Variants in SVEP1 observed in about 807,000 individuals in gnomAD.
The protein encoded by SVEP1 is sushi, von Willebrand factor type A, EGF and pentraxin domain-containing protein 1.
SVEP1 carries 164 observed loss-of-function variants against 367.3 expected under a neutral mutation model. The ratio of observed to expected loss-of-function variants is 0.45; its 90% confidence interval spans 0.39 to 0.51. The LOEUF (loss-of-function observed/expected upper bound fraction) is 0.51, where lower values mean the gene tolerates loss of function less well. Among genes scored for constraint, SVEP1 ranks in the 20% least tolerant of loss-of-function variants. The probability of loss-of-function intolerance (pLI) is 0.00; values close to 1 mark genes in which losing one functional copy is unlikely to be tolerated. For synonymous variants in SVEP1, 1,666 were observed against 1,611.6 expected (o/e 1.03, Z -0.81); for missense variants, 4,117 against 4,425.3 (o/e 0.93, Z 1.98).
chr9:110,408,238 T>C lies in SVEP1; in HGVS notation c.7362A>G (p.Gln2454=). The part of the protein sequence containing the change: ...EEIPNGIIDV[Q]GLAYLSTALY... ...GAGCTGTGCTGAGATAGGCAAGGCC[T>C]TGCACATCAATGATTCCATTGGGGA... is the stretch of plus-strand genomic sequence containing the variant. Residue 2454 remains glutamine (Q), a synonymous_variant, in exon 38 of 48, where the codon CAA becomes CAG. Transcript: ENST00000374469. 6.2e-7 allele frequency: 1 copy of C among 1,614,018 alleles called. No homozygotes were observed. Among genetic ancestry groups the C allele is most frequent in the Non-Finnish European group, 8.5e-7 (1 of 1,179,894 alleles).
intron 1 of SVEP1, among the ~76,000 whole-genome samples, chr9:110,573,605 T>G (rs1387221479): frequency 6.6e-6 from 1 of 152,150 alleles, no homozygotes; most frequent in Non-Finnish European, 1.5e-5. Context: ...CGATGTTTGT[T>G]TAACGGATAT....
chr9:110,511,663 G>A (rs768912112), intron 5 of SVEP1, among the ~76,000 whole-genome samples: 1 of 151,648 alleles, frequency 6.6e-6, no homozygotes, highest in Non-Finnish European at 1.5e-5. Flanking sequence ...TGTTCAATCT[G>A]CTGATCGTTT....
chr9:110,373,761 A>C (rs1441148230), intron 46 of SVEP1, among the ~76,000 whole-genome samples: 1 of 152,082 alleles, frequency 6.6e-6, no homozygotes, highest in East Asian at 1.9e-4. Flanking sequence ...AAGATGATAA[A>C]AAAAAAATCC....
At chr9:110,372,842 G>A (rs1827298795) in intron 46 of SVEP1, among the ~76,000 whole-genome samples, 1 of 152,148 alleles carries the variant, frequency 6.6e-6, no homozygotes, top group Non-Finnish European at 1.5e-5. Context: ...GCTGGCTTAT[G>A]CAGCACCTTG....
chr9:110,430,187 T>C (rs74328997), intron 33 of SVEP1, 87 bp downstream of exon 33: 218,729 of 1,390,104 alleles, frequency 0.16, 18,839 homozygotes, highest in South Asian at 0.22. Context: ...ACAAAGAACA[T>C]TGATACAACA....
At chr9:110,576,156 G>T (rs1056001439) in intron 1 of SVEP1, among the ~76,000 whole-genome samples, 2 of 151,988 alleles carry the variant, frequency 1.3e-5, no homozygotes, top group African/African-American at 4.8e-5. Context: ...TTAAGGAAAT[G>T]ATTAGAGATA....
chr9:110,579,488 G>T lies in SVEP1; in HGVS notation c.56C>A (p.Ala19Glu), dbSNP rs1200167652. Residue 19 changes from alanine to glutamate, a missense_variant, in exon 1 of 48, where the codon GCG (alanine) becomes GAG (glutamate). Physicochemically the swap from Ala to Glu is moderately radical, Grantham distance 107 (BLOSUM62 -1). Around this residue, in one of 4 missense-constraint regions of SVEP1, gnomAD observed 17 missense variants for 27.5 expected, o/e 0.62. Transcript: ENST00000374469. This position sits in a 1 kb window ranked among gnomAD's most constrained non-coding sequence, Gnocchi z 5.3. ...CGACGGGGACATCTGCTGAAAGGTC[G>T]CCCAGCCCGAAACGAGCGCCAGACC... ...CWGLALVSGWATFQQMSPSRN... is the reference protein window; with the variant it reads ...CWGLALVSGWETFQQMSPSRN... 8 of 1,604,814 alleles carry T rather than the reference G, an allele frequency of 5.0e-6. No homozygotes were observed. The highest frequency in any genetic ancestry group is 6.8e-6 in the Non-Finnish European group (8 of 1,176,788).
intron 5 of SVEP1, among the ~76,000 whole-genome samples, chr9:110,511,340 T>A (rs1829707961): frequency 1.3e-5 from 2 of 151,928 alleles, no homozygotes; most frequent in South Asian, 4.1e-4. Context: ...GTGAAAAGAG[T>A]CTATTTCCTG....
chr9:110,389,533 T>C lies in SVEP1; in HGVS notation c.9877A>G (p.Ile3293Val), dbSNP rs1199843494. 4 of 1,613,574 alleles carry C rather than the reference T, an allele frequency of 2.5e-6. No homozygotes were observed. Among genetic ancestry groups the C allele is most frequent in the African/African-American group, 1.3e-5 (1 of 74,894 alleles). The part of the protein sequence containing the change: ...ENRQWSGGVA[I>V]CKETRCETPL... The stretch of plus-strand genomic sequence containing the variant: ...GTGTCATTCAACTCACCTTTGCATA[T>C]TGCCACCCCTCCACTCCACTGTCTG... Residue 3293 changes from isoleucine to valine, a missense_variant, in exon 41 of 48, where the codon ATA (isoleucine) becomes GTA (valine). Coordinates refer to ENST00000374469, the MANE Select transcript of SVEP1 (RefSeq NM_153366.4).
chr9:110,426,681 C>G (rs540146140), intron 36 of SVEP1, among the ~76,000 whole-genome samples: 33 of 152,228 alleles, frequency 2.2e-4, no homozygotes, highest in African/African-American at 7.9e-4. Flanking sequence ...CTCAGATGAC[C>G]TGAGATTTAG....
chr9:110,547,496 G>A (rs962311696), intron 2 of SVEP1, among the ~76,000 whole-genome samples: 2 of 152,144 alleles, frequency 1.3e-5, no homozygotes, highest in African/African-American at 4.8e-5. Flanking sequence ...GATCACTTGA[G>A]CCTGGGAGGT....
In SVEP1 at chr9:110,408,061, G is replaced by T. The variant is rs751488578; in HGVS notation, c.7539C>A (p.Asp2513Glu). 3.2e-5 allele frequency: 52 copies of T among 1,612,592 alleles called. No individual in the cohort carries two copies. The highest frequency in any genetic ancestry group is 4.4e-5 in the Non-Finnish European group (52 of 1,179,514). ...AGGTAACGGTCTGTCCATAGTGTAG[G>T]TCCGTGTAAGAGAATTTGCCATTCA... ...EILNGKFSYTDLHYGQTVTYS... is the reference protein window; with the variant it reads ...EILNGKFSYTELHYGQTVTYS... Residue 2513 changes from aspartate to glutamate, a missense_variant, in exon 38 of 48, where the codon GAC (aspartate) becomes GAA (glutamate). Around this residue, in one of 4 missense-constraint regions of SVEP1, gnomAD observed 1,765 missense variants for 1,781.1 expected, o/e 0.99. Coordinates refer to ENST00000374469, the MANE Select transcript of SVEP1 (RefSeq NM_153366.4).
chr9:110,575,428 T>C (rs11794464), intron 1 of SVEP1, among the ~76,000 whole-genome samples: 16,922 of 151,954 alleles, frequency 0.11, 1,227 homozygotes, highest in East Asian at 0.16. Flanking sequence ...CTGGATGGAG[T>C]AGACCATGGC....
At chr9:110,571,387 C>G (rs1397955913) in intron 1 of SVEP1, among the ~76,000 whole-genome samples, 3 of 152,184 alleles carry the variant, frequency 2.0e-5, no homozygotes, top group Admixed American at 2.0e-4. Flanking sequence ...TGGACTGCCA[C>G]AGAGTCTCCT....
chr9:110,545,242 C>T (rs750931862), intron 3 of SVEP1, among the ~76,000 whole-genome samples: 10 of 152,188 alleles, frequency 6.6e-5, no homozygotes, highest in Admixed American at 2.6e-4. Context: ...ATGCAAATAT[C>T]TCTTTGACAT....
chr9:110,567,089 A>T (rs1300177475), intron 1 of SVEP1, among the ~76,000 whole-genome samples: 1 of 152,244 alleles, frequency 6.6e-6, no homozygotes, highest in African/African-American at 2.4e-5. Flanking sequence ...AACATTCAGG[A>T]AAACACAATA....
At chr9:110,368,177 T>A (rs1252215874) in intron 47 of SVEP1, among the ~76,000 whole-genome samples, 1 of 152,158 alleles carries the variant, frequency 6.6e-6, no homozygotes, top group Non-Finnish European at 1.5e-5. Context: ...GAAGAGGTGG[T>A]GACATGGGAG....
intron 29 of SVEP1, 54 bp downstream of exon 29, chr9:110,435,187 C>A: frequency 6.3e-7 from 1 of 1,588,642 alleles, no homozygotes; most frequent in South Asian, 1.1e-5. Flanking sequence ...TTTTGCTAGA[C>A]AGTCCCAGGG....
rs987069562 is a variant in SVEP1, at chr9:110,387,516, T to C, written c.9887-58A>G. The stretch of plus-strand genomic sequence containing the variant: ...GCTTCCCCAATTCCTCTTTCCTTCT[T>C]TTCCTATGATTGCCAAAGATATTTC... On this transcript the variant is annotated intron_variant, in intron 41 of 47. Transcript: ENST00000374469. 7.6e-5 allele frequency: 112 copies of C among 1,466,424 alleles called. 1 individual carries two copies. Among genetic ancestry groups the C allele is most frequent in the Non-Finnish European group, 9.4e-5 (104 of 1,102,760 alleles). 90.8% of individuals were successfully genotyped at this position (1,466,424 alleles called of 1,614,324 possible).
Sources: gnomAD v4.1 joint callset for allele counts (sites outside exome capture counted in the v4.1 genomes callset) on GRCh38, gnomAD v4.1.1 for gene constraint, gnomAD v4.1.1 regional missense constraint, Gnocchi (gnomAD v3.1) non-coding constraint, MANE v1.5 for transcripts, NCBI Gene and HGNC (gene_info 2026-07-23, HGNC 2026-07-21) for gene names.